The following RNF220 variants were observed in gnomAD, a reference collection of about 807,000 sequenced individuals.
The protein encoded by RNF220 is ring finger protein 220.
Under a neutral mutation model 67.1 loss-of-function variants are expected in RNF220, and 7 were observed. That is an observed-to-expected ratio of 0.10 (90% confidence interval 0.06 to 0.20). The LOEUF (loss-of-function observed/expected upper bound fraction) is 0.20. Among genes scored for constraint, RNF220 ranks in the 10% least tolerant of loss-of-function variants. RNF220 has a pLI of 1.00. For missense variants in RNF220, 565 were observed against 740.3 expected (o/e 0.76, Z 2.75); for synonymous variants, 270 against 283.2 (o/e 0.95, Z 0.47).
rs1220998328 is a variant in RNF220 at position 44,614,161 on chromosome 1, C to T, written c.626-4C>T. The stretch of plus-strand genomic sequence containing the variant: ...GCGTCTGTCTGTTCTTCTCCCCTCA[C>T]TAGGTAAGAAGAAAGCAGCGGCATT... On this transcript the variant is annotated splice_polypyrimidine_tract_variant and splice_region_variant and intron_variant, in intron 2 of 14. Transcript: ENST00000361799. 3.7e-6 allele frequency: 6 copies of T among 1,614,040 alleles called. No individual in the cohort carries two copies. Among genetic ancestry groups the T allele is most frequent in the Non-Finnish European group, 5.1e-6 (6 of 1,180,010 alleles).
chr1:44,441,485 G>T (rs1202754841), intron 2 of RNF220, among the ~76,000 whole-genome samples: 2 of 152,228 alleles, frequency 1.3e-5, no homozygotes, highest in African/African-American at 4.8e-5. Flanking sequence ...AATAAAGGGT[G>T]TAAATCTAAG....
At chr1:44,582,269 C>G (rs2148347312) in intron 2 of RNF220, among the ~76,000 whole-genome samples, 1 of 152,332 alleles carries the variant, frequency 6.6e-6, no homozygotes, top group Middle Eastern at 3.4e-3. Context: ...CCCACAAAAG[C>G]AGGGGTCCTG....
At chr1:44,594,703 G>C (rs1666353969) in intron 2 of RNF220, among the ~76,000 whole-genome samples, 1 of 152,200 alleles carries the variant, frequency 6.6e-6, no homozygotes, top group African/African-American at 2.4e-5. Flanking sequence ...ATTCGGTCTT[G>C]GGACAGGACT....
intron 2 of RNF220, among the ~76,000 whole-genome samples, chr1:44,420,380 T>G (rs1387809101): frequency 1.3e-5 from 2 of 152,206 alleles, no homozygotes; most frequent in Non-Finnish European, 2.9e-5. Flanking sequence ...TACATCAATC[T>G]TAGTGCAGCA....
intron 2 of RNF220, among the ~76,000 whole-genome samples, chr1:44,434,714 TAA>T (rs56088540): frequency 2.2e-3 from 318 of 142,794 alleles, no homozygotes; most frequent in Middle Eastern, 3.5e-3. Context: ...GAGACTCTCT[TAA>T]AAAAAAAAAA....
At chr1:44,635,702 C>A in intron 7 of RNF220, 114 bp downstream of exon 7, 1 of 1,553,978 alleles carries the variant, frequency 6.4e-7, no homozygotes, top group South Asian at 1.2e-5. Context: ...TCCTTCCCCG[C>A]TCCCTTCCCC....
At chr1:44,585,004 G>T (rs529806038) in intron 2 of RNF220, among the ~76,000 whole-genome samples, 2 of 152,284 alleles carry the variant, frequency 1.3e-5, no homozygotes, top group East Asian at 3.9e-4. Flanking sequence ...CAGCCCAGAA[G>T]TAGCATTTCT....
At chr1:44,611,909 A>T (rs762455034) in intron 2 of RNF220, among the ~76,000 whole-genome samples, 14 of 152,330 alleles carry the variant, frequency 9.2e-5, no homozygotes, top group South Asian at 2.1e-4. Flanking sequence ...CTGAGCCTCA[A>T]TTGCCCTAGC....
intron 2 of RNF220, chr1:44,423,828 T>A (rs1649467383): frequency 1.0e-6 from 1 of 985,264 alleles, no homozygotes; most frequent in Non-Finnish European, 1.2e-6. Flanking sequence ...TTGCTCAGGC[T>A]TGACTTTCGC....
chr1:44,586,586 G>A (rs1404381147), intron 2 of RNF220, among the ~76,000 whole-genome samples: 1 of 152,144 alleles, frequency 6.6e-6, no homozygotes, highest in East Asian at 1.9e-4. Flanking sequence ...GAGGCGACAG[G>A]CACAGGTCCT....
intron 2 of RNF220, among the ~76,000 whole-genome samples, chr1:44,508,150 G>A (rs1658615458): frequency 6.6e-6 from 1 of 151,162 alleles, no homozygotes; most frequent in Admixed American, 6.6e-5. Context: ...AGAGGAGGAG[G>A]GAATGACCTT....
chr1:44,501,420 G>T (rs970041897), intron 2 of RNF220, among the ~76,000 whole-genome samples: 1 of 152,068 alleles, frequency 6.6e-6, no homozygotes, highest in East Asian at 1.9e-4. Context: ...TTTGCAGGCC[G>T]GTCAGCTGTG....
chr1:44,609,183 A>G (rs1484058456), intron 2 of RNF220, among the ~76,000 whole-genome samples: 2 of 152,074 alleles, frequency 1.3e-5, no homozygotes, highest in Non-Finnish European at 2.9e-5. Context: ...TGTACACATG[A>G]ACACACACAT....
intron 2 of RNF220, among the ~76,000 whole-genome samples, chr1:44,490,297 C>T (rs1047512659): frequency 3.3e-5 from 5 of 151,554 alleles, no homozygotes; most frequent in South Asian, 2.1e-4. Flanking sequence ...GATGAAACCC[C>T]GTCTCTAGTA....
intron 2 of RNF220, among the ~76,000 whole-genome samples, chr1:44,513,680 T>C (rs969593258): frequency 5.9e-5 from 9 of 152,098 alleles, no homozygotes; most frequent in Admixed American, 5.9e-4. Flanking sequence ...AAAGTAAAAA[T>C]TTACACAAAA....
Position 44,407,395 on chromosome 1 carries a change from G to A in RNF220, c.-118+1865G>A, listed in dbSNP as rs573662465. 5.9e-5 allele frequency among the ~76,000 whole-genome samples: 9 copies of A among 152,336 alleles called. No individual in the cohort carries two copies. In the East Asian group the frequency reaches 7.7e-4, roughly 13 times the overall value. ...CTGGCCTCCTCTTTCCGTCTCGCGG[G>A]CTCTTCCTGCAAAGGGGAATGAGCA... is the stretch of plus-strand genomic sequence containing the variant. On this transcript the variant is annotated intron_variant, in intron 1 of 14. Coordinates refer to ENST00000361799, the MANE Select transcript of RNF220 (RefSeq NM_018150.4).
At chr1:44,491,375 C>T (rs573656604) in intron 2 of RNF220, among the ~76,000 whole-genome samples, 225 of 151,950 alleles carry the variant, frequency 1.5e-3, no homozygotes, top group Non-Finnish European at 2.8e-3. Flanking sequence ...AAGCCAGTGA[C>T]GTATAAAAAA....
At chr1:44,539,387 C>G (rs1158074653) in intron 2 of RNF220, among the ~76,000 whole-genome samples, 1 of 152,158 alleles carries the variant, frequency 6.6e-6, no homozygotes, top group East Asian at 1.9e-4. Flanking sequence ...ACTTATAGTT[C>G]TGTCTTCCCT....
At chr1:44,456,481 C>G (rs1303282765) in intron 2 of RNF220, among the ~76,000 whole-genome samples, 1 of 152,130 alleles carries the variant, frequency 6.6e-6, no homozygotes, top group African/African-American at 2.4e-5. Flanking sequence ...AAAAGTTGCA[C>G]TATTTAAGAA....
Sources: allele counts gnomAD v4.1 joint callset (sites outside exome capture counted in the v4.1 genomes callset), GRCh38; gene constraint gnomAD v4.1.1; transcripts MANE v1.5; gene names NCBI Gene and HGNC (gene_info 2026-07-23, HGNC 2026-07-21).